Variants in PRICKLE2 observed in about 807,000 individuals in gnomAD.
PRICKLE2 encodes the protein prickle planar cell polarity protein 2.
In PRICKLE2, 21 loss-of-function variants were observed where a neutral mutation model predicts 81.4. The ratio of observed to expected loss-of-function variants is 0.26; its 90% confidence interval spans 0.18 to 0.37. The LOEUF is 0.37. PRICKLE2 is among the 10% of genes least tolerant of loss of function. The pLI is 1.00. For synonymous variants in PRICKLE2, 456 were observed against 421.5 expected, an observed-to-expected ratio of 1.08 and a Z score of -1.00; for missense variants, 940 against 1,109.0, an observed-to-expected ratio of 0.85 and a Z score of 2.16.
chr3:64,203,197 C>T (rs1025760080), intron 1 of PRICKLE2, among the ~76,000 whole-genome samples: 1 of 152,190 alleles, frequency 6.6e-6, no homozygotes, highest in Admixed American at 6.5e-5. Flanking sequence ...CACCTTGGAT[C>T]TCGTTTGCAT....
intron 7 of PRICKLE2, chr3:64,104,433 A>C (rs1461103410): frequency 6.6e-6 from 1 of 152,266 alleles, no homozygotes. Flanking sequence ...TAAATAACTT[A>C]GCAAATACTA....
chr3:64,123,454 T>C (rs1264060482), intron 7 of PRICKLE2, among the ~76,000 whole-genome samples: 2 of 152,254 alleles, frequency 1.3e-5, no homozygotes, highest in Non-Finnish European at 2.9e-5. Context: ...GATGCTCAAC[T>C]GGTAAGCCAT....
intron 1 of PRICKLE2, among the ~76,000 whole-genome samples, chr3:64,220,612 G>A (rs2078936747): frequency 6.6e-6 from 1 of 152,154 alleles, no homozygotes; most frequent in Admixed American, 6.5e-5. Flanking sequence ...AGCTATCAGA[G>A]AACCCCCGAC....
At chr3:64,183,206 G>C (rs997649451) in intron 2 of PRICKLE2, among the ~76,000 whole-genome samples, 2 of 152,006 alleles carry the variant, frequency 1.3e-5, no homozygotes, top group Admixed American at 6.6e-5. Context: ...AATACAATTA[G>C]GCAAGATATA....
At chr3:64,131,587 T>G (rs1026828120) in intron 7 of PRICKLE2, among the ~76,000 whole-genome samples, 1 of 152,206 alleles carries the variant, frequency 6.6e-6, no homozygotes, top group Admixed American at 6.5e-5. Flanking sequence ...GTTACTTGGC[T>G]AAGCCAGGAC....
At chr3:64,112,281 G>A (rs1344687284) in intron 7 of PRICKLE2, among the ~76,000 whole-genome samples, 2 of 152,144 alleles carry the variant, frequency 1.3e-5, no homozygotes, top group Non-Finnish European at 2.9e-5. Context: ...TGATGAGGTG[G>A]GTTAGATGTT....
intron 2 of PRICKLE2, among the ~76,000 whole-genome samples, chr3:64,195,138 T>C (rs2078426043): frequency 1.3e-5 from 2 of 152,192 alleles, no homozygotes; most frequent in South Asian, 2.1e-4. Flanking sequence ...AACCCCTTAT[T>C]TGGAGTGAGC....
chr3:64,093,125 T>G lies in PRICKLE2; in HGVS notation c.*5926A>C, dbSNP rs1391885395. ...TCAGATAAATGGAATCATACACTTG[T>G]CTTTTTGTGACTGGCTTATCTCACT... On this transcript the variant is annotated 3_prime_UTR_variant, in exon 8 of 8. Transcript: ENST00000638394. 5.6e-6 allele frequency: 1 copy of G among 177,986 alleles called. No individual in the cohort carries two copies. The highest frequency in any genetic ancestry group is 2.4e-5 in the African/African-American group (1 of 42,190). 11.0% of individuals were successfully genotyped at this position (177,986 alleles called of 1,614,324 possible). A position where few individuals can be genotyped will look rare whatever the true frequency, so the allele number is the denominator to read the frequency against.
intron 2 of PRICKLE2, among the ~76,000 whole-genome samples, chr3:64,266,839 T>C (rs1275875328): frequency 2.0e-5 from 3 of 151,978 alleles, no homozygotes; most frequent in African/African-American, 4.8e-5. Flanking sequence ...TAAGGGCTTC[T>C]AGAAGCCAAA....
intron 2 of PRICKLE2, among the ~76,000 whole-genome samples, chr3:64,183,132 G>C (rs1286552958): frequency 6.6e-6 from 1 of 152,094 alleles, no homozygotes; most frequent in Non-Finnish European, 1.5e-5. Flanking sequence ...GCATAGTCTT[G>C]CAATTACTCA....
intron 7 of PRICKLE2, among the ~76,000 whole-genome samples, chr3:64,107,109 T>C (rs929844932): frequency 1.3e-5 from 2 of 152,156 alleles, no homozygotes; most frequent in Non-Finnish European, 2.9e-5. Context: ...CAAATGTCCA[T>C]GCACCACAGG....
Position 64,256,003 on chromosome 3 carries a change from C to G in PRICKLE2, c.129-57036G>C, listed in dbSNP as rs149440899. Among the ~76,000 whole-genome samples the G allele has an allele frequency of 9.2e-5, 14 of 152,260 alleles. No individual in the cohort carries two copies. The East Asian group carries it at 2.7e-3, about 29-fold the overall frequency. On this transcript the variant is annotated intron_variant, in intron 2 of 8. Coordinates refer to the PRICKLE2 transcript ENST00000295902. ...AGGGCAGGAAAAAAGCAAGCTGGGT[C>G]TCTGTGACATAGTGAAGCTGCTAGA...
intron 7 of PRICKLE2, among the ~76,000 whole-genome samples, chr3:64,118,961 G>A (rs1211816115): frequency 1.3e-5 from 2 of 152,134 alleles, no homozygotes; most frequent in East Asian, 1.9e-4. Flanking sequence ...CGAAGACATG[G>A]AATCAATCTG....
intron 2 of PRICKLE2, among the ~76,000 whole-genome samples, chr3:64,170,363 C>T (rs1030930721): frequency 2.0e-5 from 3 of 152,142 alleles, no homozygotes; most frequent in African/African-American, 4.8e-5. Context: ...TGTTGGATGT[C>T]GGTTCAAAAC....
chr3:64,216,081 A>C (rs937854176), intron 1 of PRICKLE2, among the ~76,000 whole-genome samples: 2 of 152,256 alleles, frequency 1.3e-5, no homozygotes, highest in Non-Finnish European at 2.9e-5. Context: ...GTTTAACATT[A>C]GCTCCTGGGT....
In PRICKLE2 at chr3:64,099,615, C is replaced by T; in HGVS notation, c.1971G>A (p.Gln657=). ...GGMAGSKLPG[Q]EGVRIQPMSE... Reference sequence around the variant, plus strand: ...TCATGGGCTGGATCCTCACGCCCTCCTGCCCTGGCAGCTTGCTGCCCGCCA... The same window carrying T: ...TCATGGGCTGGATCCTCACGCCCTCTTGCCCTGGCAGCTTGCTGCCCGCCA... The change falls in exon 8 of 8, where the codon CAG becomes CAA. Residue 657 remains glutamine, a synonymous_variant. Coordinates refer to ENST00000638394, the MANE Select transcript of PRICKLE2 (RefSeq NM_198859.4). The surrounding 1 kb of genome is among the most constrained non-coding windows in gnomAD (Gnocchi z 4.3). 1 of 1,614,040 alleles carries T rather than the reference C, an allele frequency of 6.2e-7. No homozygotes were observed. The highest frequency in any genetic ancestry group is 8.5e-7 in the Non-Finnish European group (1 of 1,180,044).
At chr3:64,204,410 G>A (rs1429229368) in intron 1 of PRICKLE2, among the ~76,000 whole-genome samples, 1 of 152,158 alleles carries the variant, frequency 6.6e-6, no homozygotes, top group Non-Finnish European at 1.5e-5. Flanking sequence ...TGGCTTGTAA[G>A]CAGTTAAGCA....
intron 7 of PRICKLE2, among the ~76,000 whole-genome samples, chr3:64,120,044 T>C (rs1454564006): frequency 6.6e-6 from 1 of 151,944 alleles, no homozygotes; most frequent in Non-Finnish European, 1.5e-5. Context: ...ACAAGAGACA[T>C]GGGGGCTACT....
chr3:64,206,906 A>G (rs2078696986), intron 1 of PRICKLE2, among the ~76,000 whole-genome samples: 1 of 152,158 alleles, frequency 6.6e-6, no homozygotes, highest in South Asian at 2.1e-4. Context: ...AAGGCAAAAG[A>G]ACACATTTTT....
Sources: allele counts gnomAD v4.1 joint callset (sites outside exome capture counted in the v4.1 genomes callset), GRCh38; gene constraint gnomAD v4.1.1; non-coding constraint Gnocchi (gnomAD v3.1); transcripts MANE v1.5; gene names NCBI Gene and HGNC (gene_info 2026-07-23, HGNC 2026-07-21).